BRI3BP: variants seen among roughly 807,000 people sequenced by gnomAD.
The protein encoded by BRI3BP is BRI3-binding protein.
In BRI3BP, 7 loss-of-function variants were observed where a neutral mutation model predicts 15.8. That is an observed-to-expected ratio of 0.44 (90% CI 0.25 to 0.83). The LOEUF (loss-of-function observed/expected upper bound fraction) is 0.83. BRI3BP is among the 40% of genes least tolerant of loss of function. The pLI is 0.20. For synonymous variants in BRI3BP, 192 were observed against 163.5 expected (o/e 1.17, Z -1.33); for missense variants, 320 against 339.3 (o/e 0.94, Z 0.45).
chr12:125,018,868 TG>T (rs1278111538), intron 2 of BRI3BP, among the ~76,000 whole-genome samples: 1 of 151,894 alleles, frequency 6.6e-6, no homozygotes, highest in Admixed American at 6.6e-5. Context: ...TTTTTGTTTT[TG>T]TTTTTTTGAG....
At chr12:125,010,574 C>T (rs905825067) in intron 1 of BRI3BP, among the ~76,000 whole-genome samples, 4 of 151,940 alleles carry the variant, frequency 2.6e-5, no homozygotes, top group African/African-American at 4.8e-5. Context: ...GTGAAGAGAT[C>T]GAGACCATCC....
chr12:125,038,805 T>C, the BRI3BP span, among the ~76,000 whole-genome samples: 4 of 141,220 alleles, frequency 2.8e-5, no homozygotes, highest in African/African-American at 1.1e-4. Context: ...TAGAATAAAA[T>C]CCAAGGTCAG....
chr12:125,012,884 C>G (rs181395299), intron 2 of BRI3BP, among the ~76,000 whole-genome samples: 1 of 152,000 alleles, frequency 6.6e-6, no homozygotes, highest in Admixed American at 6.6e-5. Context: ...TCAAGACCAG[C>G]CTGGGCAACA....
intron 2 of BRI3BP, among the ~76,000 whole-genome samples, chr12:125,021,374 T>C (rs1271555147): frequency 1.3e-5 from 2 of 152,194 alleles, no homozygotes; most frequent in African/African-American, 4.8e-5. Flanking sequence ...TGCTCTGGAT[T>C]TGCGCTTGCC....
intron 1 of BRI3BP, among the ~76,000 whole-genome samples, chr12:125,000,141 C>T (rs1322963290): frequency 2.6e-5 from 3 of 117,570 alleles, no homozygotes; most frequent in East Asian, 3.1e-4. Context: ...AGCAAAATAA[C>T]TTTGACACTT....
intron 2 of BRI3BP, 99 bp downstream of exon 2, chr12:125,012,735 G>A (rs1298054391): frequency 5.3e-6 from 5 of 939,796 alleles, no homozygotes; most frequent in Non-Finnish European, 8.7e-6. Context: ...TGAGAAGGTT[G>A]CGGAGGGCTG....
downstream of BRI3BP, among the ~76,000 whole-genome samples, chr12:125,031,522 C>G (rs10846811): frequency 0.13 from 19,027 of 151,550 alleles, 1,653 homozygotes; most frequent in East Asian, 0.31. Flanking sequence ...CTCTCCACCC[C>G]ACCCCGCATA....
At chr12:125,051,103 G>A in the BRI3BP span, among the ~76,000 whole-genome samples, 1 of 152,342 alleles carries the variant, frequency 6.6e-6, no homozygotes, top group East Asian at 1.9e-4. Flanking sequence ...AGCATAGCAA[G>A]CTTCAGATGG....
At chr12:125,016,401 C>T (rs1187813979) in intron 2 of BRI3BP, among the ~76,000 whole-genome samples, 1 of 149,736 alleles carries the variant, frequency 6.7e-6, no homozygotes. Context: ...TCTGTAGCCC[C>T]GAATGGTCTA....
chr12:125,009,283 C>CTTTTTTTTTTTTTTTTT (rs1217778458), intron 1 of BRI3BP, among the ~76,000 whole-genome samples: 1 of 66,568 alleles, frequency 1.5e-5, no homozygotes, highest in Non-Finnish European at 2.8e-5. Flanking sequence ...ACCCAGCCAT[C>CTTTTTTTTTTTTTTTTT]TTTTTTTTTT....
chr12:125,034,297 C>T (rs1238633386), downstream of BRI3BP, among the ~76,000 whole-genome samples: 5 of 152,006 alleles, frequency 3.3e-5, no homozygotes, highest in Admixed American at 1.3e-4. Context: ...CTGCCCGCCT[C>T]GGCCTCCCAA....
rs146503679 is a variant in BRI3BP, at chr12:125,014,510, A to G, written c.316+1874A>G. ...GCGAATTCCCGGGCAGGCCAGGCCCAAGCTTCAGAGTTCTCTCCCTGTGGA... is the reference window on the plus strand; with the variant it reads ...GCGAATTCCCGGGCAGGCCAGGCCCGAGCTTCAGAGTTCTCTCCCTGTGGA... On this transcript the variant is annotated intron_variant, in intron 2 of 2. Coordinates refer to ENST00000341446, the MANE Select transcript of BRI3BP (RefSeq NM_080626.6). 3.5e-3 allele frequency among the ~76,000 whole-genome samples: 531 copies of G among 152,328 alleles called. 10 individuals are homozygous for G. The highest frequency in any genetic ancestry group is 3.0e-3 in the Non-Finnish European group (205 of 68,018).
At chr12:125,002,701 TC>T (rs1267802199) in intron 1 of BRI3BP, among the ~76,000 whole-genome samples, 2 of 152,076 alleles carry the variant, frequency 1.3e-5, no homozygotes, top group African/African-American at 2.4e-5. Context: ...CGTGATCCAC[TC>T]ACCTTGGCCT....
chr12:125,037,152 T>C, the BRI3BP span, among the ~76,000 whole-genome samples: 1 of 152,304 alleles, frequency 6.6e-6, no homozygotes, highest in East Asian at 1.9e-4. Context: ...CCCTGCCTCC[T>C]GGGTTCAAAT....
At chr12:124,997,294 C>T (rs1411428877) in intron 1 of BRI3BP, among the ~76,000 whole-genome samples, 1 of 138,634 alleles carries the variant, frequency 7.2e-6, no homozygotes, top group Non-Finnish European at 1.5e-5. Flanking sequence ...CGGCTTACTG[C>T]AACCTCCGCC....
intron 2 of BRI3BP, 31 bp downstream of exon 2, chr12:125,012,667 G>A (rs1452808796): frequency 6.6e-7 from 1 of 1,515,942 alleles, no homozygotes; most frequent in Non-Finnish European, 9.2e-7. Flanking sequence ...CACGTAAGGT[G>A]TCATTCTATT....
chr12:125,050,134 C>T, the BRI3BP span, among the ~76,000 whole-genome samples: 8 of 152,070 alleles, frequency 5.3e-5, no homozygotes, highest in African/African-American at 1.9e-4. Context: ...GGGCGGATCA[C>T]GAGGTCACGA....
Position 125,026,690 on chromosome 12 carries a change from G to A in BRI3BP, c.*1260G>A, listed in dbSNP as rs1003401458. ...CCCTAGGCCAGGCGCAGTGGCTGAT[G>A]CCTGTAATCCCAGCGCTTTGGGAGG... On this transcript the variant is annotated 3_prime_UTR_variant, in exon 3 of 3. Coordinates refer to ENST00000341446, the MANE Select transcript of BRI3BP (RefSeq NM_080626.6). The A allele has an allele frequency of 6.6e-6, 1 of 152,186 alleles. No homozygotes were observed. The highest frequency in any genetic ancestry group is 1.5e-5 in the Non-Finnish European group (1 of 68,074). 9.4% of individuals were successfully genotyped at this position (152,186 alleles called of 1,614,324 possible). A position where few individuals can be genotyped will look rare whatever the true frequency, so the allele number is the denominator to read the frequency against.
intron 1 of BRI3BP, among the ~76,000 whole-genome samples, chr12:125,001,310 C>G (rs1955089098): frequency 6.6e-6 from 1 of 152,012 alleles, no homozygotes; most frequent in Non-Finnish European, 1.5e-5. Flanking sequence ...CCCGGCTCGG[C>G]CTCCCAAAGT....
Sources: gnomAD v4.1 joint callset for allele counts (sites outside exome capture counted in the v4.1 genomes callset) on GRCh38, gnomAD v4.1.1 for gene constraint, MANE v1.5 for transcripts, NCBI Gene and HGNC (gene_info 2026-07-23, HGNC 2026-07-21) for gene names.